PLEKHA5: variants seen among roughly 807,000 people sequenced by gnomAD.
PLEKHA5 encodes the protein pleckstrin homology domain containing A5.
A neutral mutation model predicts 181.9 loss-of-function variants in PLEKHA5; 55 were observed. The observed-to-expected ratio is 0.30, with a 90% CI of 0.24 to 0.38. PLEKHA5 has a LOEUF of 0.38. Among genes scored for constraint, PLEKHA5 ranks in the 10% least tolerant of loss-of-function variants. The pLI, the probability that PLEKHA5 is intolerant of heterozygous loss-of-function variation, is 1.00. For missense variants in PLEKHA5, 1,432 were observed against 1,549.5 expected (o/e 0.92, Z 1.27); for synonymous variants, 535 against 529.4 (o/e 1.01, Z -0.15).
At chr12:19,362,942 C>T (rs1348785004) in intron 29 of PLEKHA5, among the ~76,000 whole-genome samples, 1 of 150,050 alleles carries the variant, frequency 6.7e-6, no homozygotes, top group East Asian at 2.0e-4. Flanking sequence ...GGAGGGCCAA[C>T]TGTACTATGC....
intron 4 of PLEKHA5, among the ~76,000 whole-genome samples, chr12:19,254,508 G>A (rs2066294721): frequency 1.3e-5 from 2 of 152,068 alleles, no homozygotes. Flanking sequence ...TAGAATATCT[G>A]CAATAATGCC....
At chr12:19,342,364 G>A (rs939158262) in intron 21 of PLEKHA5, among the ~76,000 whole-genome samples, 5 of 152,042 alleles carry the variant, frequency 3.3e-5, no homozygotes, top group African/African-American at 1.2e-4. Flanking sequence ...AATTTTAGAA[G>A]TAAGAAAATT....
At chr12:19,275,741 G>A (rs1238699628) in intron 11 of PLEKHA5, among the ~76,000 whole-genome samples, 7 of 152,138 alleles carry the variant, frequency 4.6e-5, no homozygotes, top group South Asian at 4.1e-4. Flanking sequence ...GCACTCCAGC[G>A]TGGCAGCACA....
intron 3 of PLEKHA5, among the ~76,000 whole-genome samples, chr12:19,135,864 A>G (rs2035460288): frequency 6.6e-6 from 1 of 151,442 alleles, no homozygotes; most frequent in Non-Finnish European, 1.5e-5. Flanking sequence ...ACAGTAAAAT[A>G]TGAAAAATCT....
intron 7 of PLEKHA5, 44 bp from the exon 8 acceptor site, chr12:19,265,706 T>A (rs1303822755): frequency 8.8e-7 from 1 of 1,141,942 alleles, no homozygotes; most frequent in Non-Finnish European, 1.3e-6. Context: ...CTTTGCTTCA[T>A]AAGAACATTT....
intron 3 of PLEKHA5, among the ~76,000 whole-genome samples, chr12:19,217,715 A>G (rs983269191): frequency 2.4e-4 from 37 of 152,328 alleles, no homozygotes; most frequent in Non-Finnish European, 4.4e-4. Flanking sequence ...AGAAAGAAAC[A>G]GAGATCATTA....
intron 15 of PLEKHA5, among the ~76,000 whole-genome samples, chr12:19,312,432 G>A (rs1285725099): frequency 6.6e-6 from 1 of 152,168 alleles, no homozygotes; most frequent in Admixed American, 6.6e-5. Context: ...ATTGAATTCA[G>A]CCACCTTCTT....
chr12:19,262,553 G>A (rs893925433), intron 7 of PLEKHA5, among the ~76,000 whole-genome samples: 5 of 152,078 alleles, frequency 3.3e-5, no homozygotes, highest in Non-Finnish European at 5.9e-5. Context: ...ATTTATTGAT[G>A]TTAATTTGCA....
intron 27 of PLEKHA5, 66 bp downstream of exon 27, chr12:19,358,503 T>G (rs2095064882): frequency 9.6e-7 from 1 of 1,045,464 alleles, no homozygotes; most frequent in Admixed American, 1.9e-5. Flanking sequence ...GGAATCAGAG[T>G]TACATGATTG....
chr12:19,307,230 T>A (rs2084243386), intron 15 of PLEKHA5: 1 of 542,146 alleles, frequency 1.8e-6, no homozygotes, highest in East Asian at 3.7e-5. Context: ...CCCAGAGCTT[T>A]GGGAGGCTGA....
intron 3 of PLEKHA5, among the ~76,000 whole-genome samples, chr12:19,209,426 A>G (rs1355615992): frequency 6.6e-6 from 1 of 152,208 alleles, no homozygotes; most frequent in Non-Finnish European, 1.5e-5. Context: ...CTGACAGTTA[A>G]CAGCAGAAAT....
intron 18 of PLEKHA5, 54 bp from the exon 19 acceptor site, chr12:19,322,256 C>A: frequency 9.1e-7 from 1 of 1,101,888 alleles, no homozygotes; most frequent in Non-Finnish European, 1.4e-6. Context: ...TGCCTACCTC[C>A]AATTACAGAA....
intron 31 of PLEKHA5, chr12:19,371,556 ATGATATTTGGTTTTCCTTTCC>A (rs1807815823): frequency 1.1e-5 from 2 of 174,598 alleles, no homozygotes; most frequent in Non-Finnish European, 2.4e-5. Context: ...GTGAGAACAT[ATGATATTTGGTTTTCCTTTCC>A]TGAGTTACTT....
intron 20 of PLEKHA5, among the ~76,000 whole-genome samples, chr12:19,329,309 T>C (rs141381886): frequency 6.6e-6 from 1 of 152,284 alleles, no homozygotes; most frequent in African/African-American, 2.4e-5. Flanking sequence ...TTCTTCTTTG[T>C]GTCTTTACCA....
chr12:19,215,302 A>T (rs61184274), intron 3 of PLEKHA5, among the ~76,000 whole-genome samples: 14,642 of 152,084 alleles, frequency 0.096, 1,017 homozygotes, highest in African/African-American at 0.2. Context: ...GTTTTTTTTT[A>T]AATGTAAAAT....
At chr12:19,172,601 A>G (rs996680267) in intron 3 of PLEKHA5, among the ~76,000 whole-genome samples, 17 of 152,226 alleles carry the variant, frequency 1.1e-4, no homozygotes, top group Non-Finnish European at 2.2e-4. Context: ...ACCTGTTAGA[A>G]TGGTTCAAAA....
At chr12:19,304,698 G>A (rs909788768) in intron 15 of PLEKHA5, among the ~76,000 whole-genome samples, 1 of 151,526 alleles carries the variant, frequency 6.6e-6, no homozygotes, top group African/African-American at 2.4e-5. Flanking sequence ...AGAATTGCCA[G>A]GGCCCAGACC....
chr12:19,200,210 T>C (rs2053874498), intron 3 of PLEKHA5: 3 of 701,938 alleles, frequency 4.3e-6, no homozygotes, highest in Non-Finnish European at 7.1e-6. Context: ...ATCATTACAC[T>C]TTCCATGCAG....
intron 24 of PLEKHA5, among the ~76,000 whole-genome samples, 195 bp downstream of exon 24, chr12:19,347,377 A>G (rs2094387498): frequency 6.6e-6 from 1 of 151,244 alleles, no homozygotes; most frequent in South Asian, 2.1e-4. Flanking sequence ...CATTTTTAAT[A>G]TTTTTATAAT....
Sources: gnomAD v4.1 joint callset for allele counts (sites outside exome capture counted in the v4.1 genomes callset) on GRCh38, gnomAD v4.1.1 for gene constraint, MANE v1.5 for transcripts, NCBI Gene and HGNC (gene_info 2026-07-23, HGNC 2026-07-21) for gene names.